The following CNTNAP2 variants were observed in gnomAD, a reference collection of about 807,000 sequenced individuals.
CNTNAP2 encodes contactin-associated protein-like 2.
In CNTNAP2, 98 loss-of-function variants were observed where a neutral mutation model predicts 155.2. That is an observed-to-expected ratio of 0.63 (90% CI 0.54 to 0.75). The LOEUF is 0.75. CNTNAP2 is among the 30% of genes least tolerant of loss of function. CNTNAP2 has a pLI of 0.00. For synonymous variants in CNTNAP2, 651 were observed against 631.2 expected (o/e 1.03, Z -0.47); for missense variants, 1,727 against 1,688.1 (o/e 1.02, Z -0.40).
chr7:147,230,701 T>C (rs1299200564), intron 8 of CNTNAP2, among the ~76,000 whole-genome samples: 1 of 152,228 alleles, frequency 6.6e-6, no homozygotes, highest in East Asian at 1.9e-4. Context: ...CTTGTTCATC[T>C]TATAACTGAA....
At chr7:146,232,236 T>C (rs1799397593) in intron 1 of CNTNAP2, among the ~76,000 whole-genome samples, 1 of 150,934 alleles carries the variant, frequency 6.6e-6, no homozygotes, top group Non-Finnish European at 1.5e-5. Context: ...TTTATCAATT[T>C]AGAAAAGATG....
intron 10 of CNTNAP2, among the ~76,000 whole-genome samples, chr7:147,479,884 C>T (rs1018994): frequency 0.77 from 116,844 of 151,418 alleles, 45,313 homozygotes; most frequent in African/African-American, 0.85. Context: ...TATGTAATAA[C>T]AACATTTTAA....
At chr7:147,995,514 T>C (rs1801786734) in intron 15 of CNTNAP2, among the ~76,000 whole-genome samples, 1 of 146,070 alleles carries the variant, frequency 6.8e-6, no homozygotes, top group African/African-American at 2.5e-5. Context: ...TTGTCCTGCC[T>C]CTTCTAATTC....
intron 13 of CNTNAP2, among the ~76,000 whole-genome samples, chr7:147,683,114 G>A (rs1392446610): frequency 6.6e-6 from 1 of 151,694 alleles, no homozygotes; most frequent in Non-Finnish European, 1.5e-5. Context: ...AAGTATTCGG[G>A]GCATTTTCTT....
At chr7:148,223,101 G>A (rs1047235165) in intron 19 of CNTNAP2, among the ~76,000 whole-genome samples, 2 of 152,086 alleles carry the variant, frequency 1.3e-5, no homozygotes, top group African/African-American at 4.8e-5. Context: ...TACCCCTCAA[G>A]CACTCTGTGG....
intron 13 of CNTNAP2, among the ~76,000 whole-genome samples, chr7:147,718,603 G>GT (rs1796517086): frequency 6.6e-6 from 1 of 152,064 alleles, no homozygotes; most frequent in Admixed American, 6.6e-5. Flanking sequence ...ATCATTTTTG[G>GT]TAAGACCTGT....
intron 8 of CNTNAP2, among the ~76,000 whole-genome samples, chr7:147,181,917 T>C (rs1802463963): frequency 6.6e-6 from 1 of 151,818 alleles, no homozygotes; most frequent in Non-Finnish European, 1.5e-5. Flanking sequence ...ACTAGGTCAG[T>C]AGTTCGAGAC....
At chr7:147,283,662 G>T in intron 8 of CNTNAP2, among the ~76,000 whole-genome samples, 1 of 151,736 alleles carries the variant, frequency 6.6e-6, no homozygotes. Flanking sequence ...GCCTTTGTGG[G>T]GTATTGCTGG....
intron 1 of CNTNAP2, among the ~76,000 whole-genome samples, chr7:146,709,647 A>G (rs1412454900): frequency 6.6e-6 from 1 of 152,158 alleles, no homozygotes; most frequent in East Asian, 1.9e-4. Flanking sequence ...GATTTATGGC[A>G]GTGTGCAGTC....
chr7:146,217,204 A>C (rs1799128535), intron 1 of CNTNAP2, among the ~76,000 whole-genome samples: 2 of 152,210 alleles, frequency 1.3e-5, no homozygotes, highest in African/African-American at 2.4e-5. Flanking sequence ...TTTAAATGTT[A>C]GTTATAGAAT....
At chr7:146,829,064 G>A (rs1289610802) in intron 2 of CNTNAP2, among the ~76,000 whole-genome samples, 1 of 151,866 alleles carries the variant, frequency 6.6e-6, no homozygotes, top group Non-Finnish European at 1.5e-5. Context: ...GGTAATATTT[G>A]ACATTTTAAA....
chr7:147,283,920 A>G (rs1429845291), intron 8 of CNTNAP2, among the ~76,000 whole-genome samples: 2 of 151,728 alleles, frequency 1.3e-5, no homozygotes, highest in East Asian at 1.9e-4. Flanking sequence ...CCAAGATTCT[A>G]TGACGTTACC....
At chr7:146,182,810 C>T (rs1246501483) in intron 1 of CNTNAP2, among the ~76,000 whole-genome samples, 1 of 152,158 alleles carries the variant, frequency 6.6e-6, no homozygotes, top group African/African-American at 2.4e-5. Flanking sequence ...CTTGCTAACT[C>T]ATGTCTCTCT....
chr7:147,958,695 A>T (rs777910131), intron 14 of CNTNAP2, among the ~76,000 whole-genome samples: 4 of 152,192 alleles, frequency 2.6e-5, no homozygotes, highest in Non-Finnish European at 4.4e-5. Context: ...AAATTCTAAC[A>T]TATCGTGAGC....
At chr7:147,720,981 C>T (rs1252375778) in intron 13 of CNTNAP2, among the ~76,000 whole-genome samples, 1 of 152,050 alleles carries the variant, frequency 6.6e-6, no homozygotes, top group Non-Finnish European at 1.5e-5. Flanking sequence ...CATCAATTCC[C>T]AAATATGTTG....
chr7:147,532,790 A>G (rs924367136), intron 11 of CNTNAP2, among the ~76,000 whole-genome samples: 120 of 152,202 alleles, frequency 7.9e-4, no homozygotes, highest in African/African-American at 2.7e-3. Flanking sequence ...CCCCTGATAA[A>G]CCCATCAGAT....
Position 147,977,870 on chromosome 7 carries a change from A to T in CNTNAP2, c.2264A>T (p.Asp755Val), listed in dbSNP as rs772377606. 1 of 1,614,052 alleles carries T rather than the reference A, an allele frequency of 6.2e-7. No individual in the cohort carries two copies. Among genetic ancestry groups the T allele is most frequent in the Non-Finnish European group, 8.5e-7 (1 of 1,180,006 alleles). ...CTTTCCCTGTGATCCAGGAGGAAGG[A>T]TGCTGGTTTCTTATCATACAAAGAT... The part of the protein sequence containing the change: ...CDADYKQWRK[D>V]AGFLSYKDHL... Residue 755 changes from aspartate (D) to valine (V), a missense_variant, in exon 15 of 24, where the codon GAT becomes GTT. Coordinates refer to ENST00000361727, the MANE Select transcript of CNTNAP2 (RefSeq NM_014141.6).
intron 21 of CNTNAP2, among the ~76,000 whole-genome samples, chr7:148,292,408 A>G (rs1235077268): frequency 6.6e-6 from 1 of 152,214 alleles, no homozygotes; most frequent in Non-Finnish European, 1.5e-5. Flanking sequence ...TGAAATCCCA[A>G]AGAGGTTAAA....
chr7:146,929,613 A>T (rs1040265786), intron 3 of CNTNAP2, among the ~76,000 whole-genome samples: 6 of 152,240 alleles, frequency 3.9e-5, no homozygotes, highest in African/African-American at 1.4e-4. Flanking sequence ...AGTTGAGAGA[A>T]TAAGGCTTCA....
Sources: gnomAD v4.1 joint callset for allele counts (sites outside exome capture counted in the v4.1 genomes callset) on GRCh38, gnomAD v4.1.1 for gene constraint, MANE v1.5 for transcripts, NCBI Gene and HGNC (gene_info 2026-07-23, HGNC 2026-07-21) for gene names.